Variants in TMEM266 observed in about 807,000 individuals in gnomAD.
TMEM266 encodes the protein transmembrane protein 266.
Under a neutral mutation model 50.5 loss-of-function variants are expected in TMEM266, and 33 were observed. That is an observed-to-expected ratio of 0.65 (90% CI 0.50 to 0.87). TMEM266 has a LOEUF of 0.87. Ranked by LOEUF, TMEM266 falls within the 40% of genes least tolerant of loss-of-function variation. TMEM266 has a pLI of 0.00. For missense variants in TMEM266, 655 were observed against 695.1 expected (o/e 0.94, Z 0.65); for synonymous variants, 310 against 292.3 (o/e 1.06, Z -0.62).
intron 1 of TMEM266, among the ~76,000 whole-genome samples, chr15:76,130,550 G>A (rs1596123496): frequency 6.6e-6 from 1 of 152,230 alleles, no homozygotes; most frequent in East Asian, 1.9e-4. Flanking sequence ...AGAAGAGATT[G>A]TTGACTTGGG....
chr15:76,084,626 A>G (rs961237978), intron 1 of TMEM266, among the ~76,000 whole-genome samples: 1 of 150,624 alleles, frequency 6.6e-6, no homozygotes. Context: ...TTTGAGACAG[A>G]GTCTTGCTGT....
At chr15:76,062,533 C>T (rs1329822138) in intron 1 of TMEM266, among the ~76,000 whole-genome samples, 2 of 152,132 alleles carry the variant, frequency 1.3e-5, no homozygotes, top group Non-Finnish European at 2.9e-5. Flanking sequence ...CAGATAAACT[C>T]AAGATGAGTC....
intron 8 of TMEM266, among the ~76,000 whole-genome samples, chr15:76,182,453 G>A (rs185122771): frequency 3.3e-5 from 5 of 151,580 alleles, no homozygotes; most frequent in South Asian, 2.1e-4. Context: ...TGGCTAACAC[G>A]GTGAAACCCC....
At chr15:76,141,204 A>C (rs1385887013) in intron 3 of TMEM266, among the ~76,000 whole-genome samples, 4 of 148,534 alleles carry the variant, frequency 2.7e-5, no homozygotes, top group Non-Finnish European at 4.4e-5. Flanking sequence ...ACTTCCAGCT[A>C]CCCTGTCCAA....
At chr15:76,185,551 A>G (rs570159738) in intron 8 of TMEM266, among the ~76,000 whole-genome samples, 1 of 152,284 alleles carries the variant, frequency 6.6e-6, no homozygotes, top group East Asian at 1.9e-4. Flanking sequence ...TTGTTCACAT[A>G]TTAATTGTAG....
intron 8 of TMEM266, among the ~76,000 whole-genome samples, chr15:76,190,212 G>GATC (rs1319251463): frequency 6.6e-6 from 1 of 152,244 alleles, no homozygotes; most frequent in Non-Finnish European, 1.5e-5. Context: ...GCCACCGTGT[G>GATC]ATCTGGGACA....
intron 1 of TMEM266, among the ~76,000 whole-genome samples, chr15:76,124,169 A>T (rs1382929004): frequency 2.0e-5 from 3 of 152,224 alleles, no homozygotes; most frequent in Admixed American, 2.0e-4. Context: ...ATGCCTCCTG[A>T]ATAAAAGATC....
intron 8 of TMEM266, among the ~76,000 whole-genome samples, chr15:76,182,631 G>A (rs1400642362): frequency 2.6e-5 from 4 of 152,046 alleles, no homozygotes; most frequent in Non-Finnish European, 5.9e-5. Flanking sequence ...GTGACAGAGC[G>A]AGACTCAGTC....
chr15:76,169,013 T>C (rs1050811941), intron 5 of TMEM266, among the ~76,000 whole-genome samples: 1 of 152,136 alleles, frequency 6.6e-6, no homozygotes, highest in Non-Finnish European at 1.5e-5. Flanking sequence ...AAAAACACAT[T>C]AAGTGGATAG....
intron 1 of TMEM266, among the ~76,000 whole-genome samples, chr15:76,132,035 T>C (rs1192087597): frequency 6.6e-6 from 1 of 152,162 alleles, no homozygotes; most frequent in African/African-American, 2.4e-5. Context: ...TTCTGCTGGG[T>C]TGCCCTGTCT....
chr15:76,083,632 G>A (rs1271420632), intron 1 of TMEM266, among the ~76,000 whole-genome samples: 1 of 152,132 alleles, frequency 6.6e-6, no homozygotes, highest in African/African-American at 2.4e-5. Flanking sequence ...CTCCTTTTAT[G>A]TGCTGGTAGA....
At chr15:76,085,590 G>A (rs999659221) in intron 1 of TMEM266, among the ~76,000 whole-genome samples, 1 of 152,096 alleles carries the variant, frequency 6.6e-6, no homozygotes, top group Non-Finnish European at 1.5e-5. Context: ...ACCTCTTTAG[G>A]CAACAGAAAC....
chr15:76,087,266 A>G (rs1049818893), intron 1 of TMEM266, among the ~76,000 whole-genome samples: 4 of 152,136 alleles, frequency 2.6e-5, no homozygotes, highest in African/African-American at 9.7e-5. Flanking sequence ...TGCAGCTGAA[A>G]AATTTTAAGG....
At chr15:76,072,252 A>G (rs1479081773) in intron 1 of TMEM266, among the ~76,000 whole-genome samples, 1 of 151,918 alleles carries the variant, frequency 6.6e-6, no homozygotes, top group Non-Finnish European at 1.5e-5. Flanking sequence ...CAGCCTGACC[A>G]ACATGGAAAA....
At chr15:76,138,477 C>G (rs2142032654) in intron 3 of TMEM266, among the ~76,000 whole-genome samples, 1 of 152,292 alleles carries the variant, frequency 6.6e-6, no homozygotes, top group Non-Finnish European at 1.5e-5. Flanking sequence ...CCCATCCAAT[C>G]CCCTCTATGT....
chr15:76,166,241 A>G (rs368560608), intron 5 of TMEM266, among the ~76,000 whole-genome samples: 59 of 151,734 alleles, frequency 3.9e-4, no homozygotes, highest in African/African-American at 8.9e-4. Context: ...TGCGGGGGGG[A>G]AAAGCCAGCA....
chr15:76,083,158 A>C (rs2036721016), intron 1 of TMEM266, among the ~76,000 whole-genome samples: 2 of 151,972 alleles, frequency 1.3e-5, no homozygotes, highest in Admixed American at 1.3e-4. Context: ...GAGAGGACAA[A>C]CATCCAAACT....
intron 1 of TMEM266, among the ~76,000 whole-genome samples, chr15:76,082,975 A>ACAT (rs2036717926): frequency 6.6e-6 from 1 of 151,480 alleles, no homozygotes; most frequent in Admixed American, 6.6e-5. Context: ...TCTAAAAACA[A>ACAT]CAACAACAAC....
rs114291110 is a variant in TMEM266, at chr15:76,134,280, C to T, written c.17C>T (p.Ser6Phe). 1.9e-6 allele frequency: 3 copies of T among 1,614,064 alleles called. No homozygotes were observed. Among genetic ancestry groups the T allele is most frequent in the South Asian group, 2.2e-5 (2 of 91,074 alleles). ...AGAAAACCCATGGCTGTGGCTCCAT[C>T]TTTCAACATGACCAATCCACAGTAA... The change falls in exon 2 of 11, where the codon TCT (serine) becomes TTT (phenylalanine). Residue 6 changes from serine to phenylalanine, a missense_variant. Ser to Phe is a radical substitution (Grantham distance 155, BLOSUM62 -2). This residue lies in a region of TMEM266 where 99 missense variants were observed against 110.8 expected (regional missense o/e 0.89). Transcript: ENST00000388942.
Sources: gnomAD v4.1 joint callset for allele counts (sites outside exome capture counted in the v4.1 genomes callset) on GRCh38, gnomAD v4.1.1 for gene constraint, gnomAD v4.1.1 regional missense constraint, MANE v1.5 for transcripts, NCBI Gene and HGNC (gene_info 2026-07-23, HGNC 2026-07-21) for gene names.